Variants in SDC2 observed in about 807,000 individuals in gnomAD.
SDC2 encodes the protein syndecan 2.
In SDC2, 13 loss-of-function variants were observed where a neutral mutation model predicts 22.2. The ratio of observed to expected loss-of-function variants is 0.59; its 90% CI spans 0.38 to 0.93. The LOEUF is 0.93. Ranked by LOEUF, SDC2 falls within the 40% of genes least tolerant of loss-of-function variation. The pLI is 0.00. For synonymous variants in SDC2, 94 were observed against 92.8 expected (o/e 1.01, Z -0.07); for missense variants, 235 against 246.8 (o/e 0.95, Z 0.32).
At chr8:96,583,737 T>C (rs1814635177) in intron 1 of SDC2, among the ~76,000 whole-genome samples, 1 of 150,742 alleles carries the variant, frequency 6.6e-6, no homozygotes, top group Non-Finnish European at 1.5e-5. Context: ...ATATGAGAAA[T>C]TGCAATATAG....
At chr8:96,506,783 A>G (rs938838954) in intron 1 of SDC2, among the ~76,000 whole-genome samples, 5 of 152,032 alleles carry the variant, frequency 3.3e-5, no homozygotes, top group African/African-American at 4.8e-5. Context: ...AGGCTGAGGT[A>G]GGTGGATCAT....
chr8:96,570,172 G>A lies in SDC2; in HGVS notation c.61-23308G>A, dbSNP rs1193409007. Among the ~76,000 whole-genome samples, 9 of 152,080 alleles carry A rather than the reference G, an allele frequency of 5.9e-5. No individual in the cohort carries two copies. In the East Asian group the frequency reaches 7.7e-4, roughly 13 times the overall value. On this transcript the variant is annotated intron_variant, in intron 1 of 4. Coordinates refer to ENST00000302190, the MANE Select transcript of SDC2 (RefSeq NM_002998.4). Reference sequence around the variant, plus strand: ...TGAGCCTGAGGTGCAGAGAGATCCCGCAGCTGGTAAGTGGCAGAGCCAGGC... The same window carrying A: ...TGAGCCTGAGGTGCAGAGAGATCCCACAGCTGGTAAGTGGCAGAGCCAGGC...
At chr8:96,602,654 A>G (rs1298207956) in intron 3 of SDC2, 126 bp downstream of exon 3, 2 of 1,002,330 alleles carry the variant, frequency 2.0e-6, no homozygotes, top group Non-Finnish European at 2.9e-6. Flanking sequence ...TGAACTATGT[A>G]CACAACAGTT....
At chr8:96,535,641 T>C (rs1390326204) in intron 1 of SDC2, among the ~76,000 whole-genome samples, 1 of 152,218 alleles carries the variant, frequency 6.6e-6, no homozygotes, top group Non-Finnish European at 1.5e-5. Context: ...CGACTTCGAT[T>C]TGGGAGATCA....
intron 1 of SDC2, among the ~76,000 whole-genome samples, chr8:96,562,994 C>T (rs1011947962): frequency 6.6e-6 from 1 of 152,104 alleles, no homozygotes; most frequent in East Asian, 1.9e-4. Context: ...ACGCACATCA[C>T]CCCTAATTTG....
rs1329448270 is a variant in SDC2, at chr8:96,565,097, T to TTTTTTTTTTTTTTTTTTTTTG, written c.61-28381_61-28380insTTTTTTTTTTTTTTTTTTGTT. On this transcript the variant is annotated intron_variant, in intron 1 of 4. Transcript: ENST00000302190. ...ATCCTAAATTTGATTTTTTTTTTTT[T>TTTTTTTTTTTTTTTTTTTTTG]TTGTTGAGATGGGGAGTGTTGCTCT... Among the ~76,000 whole-genome samples, 36 of 128,582 alleles carry TTTTTTTTTTTTTTTTTTTTTG rather than the reference T, an allele frequency of 2.8e-4. 3 individuals are homozygous for TTTTTTTTTTTTTTTTTTTTTG. Among genetic ancestry groups the TTTTTTTTTTTTTTTTTTTTTG allele is most frequent in the African/African-American group, 1.2e-3 (36 of 31,266 alleles). 84.4% of individuals were successfully genotyped at this position (128,582 alleles called of 152,430 possible). A position where few individuals can be genotyped will look rare whatever the true frequency, so the allele number is the denominator to read the frequency against.
chr8:96,499,775 G>A lies in SDC2; in HGVS notation c.60+5444G>A, dbSNP rs563179652. On this transcript the variant is annotated intron_variant, in intron 1 of 4. Coordinates refer to ENST00000302190, the MANE Select transcript of SDC2 (RefSeq NM_002998.4). ...TCCTCTCTTGGCCTTTTTTTTTTTG[G>A]CAATGAAATGAATGAAATGAGGGAG... 5.9e-3 allele frequency among the ~76,000 whole-genome samples: 872 copies of A among 148,238 alleles called. 9 individuals carry two copies. The highest frequency in any genetic ancestry group is 8.2e-3 in the Non-Finnish European group (549 of 66,932).
intron 1 of SDC2, among the ~76,000 whole-genome samples, chr8:96,561,061 A>T (rs1814201744): frequency 6.6e-6 from 1 of 152,144 alleles, no homozygotes; most frequent in South Asian, 2.1e-4. Context: ...CCGAGATGGC[A>T]CCACTGCACT....
At chr8:96,579,112 T>A (rs2130601217) in intron 1 of SDC2, among the ~76,000 whole-genome samples, 1 of 152,370 alleles carries the variant, frequency 6.6e-6, no homozygotes, top group African/African-American at 2.4e-5. Flanking sequence ...AGATCTAATT[T>A]CATTCACGTG....
chr8:96,558,659 C>A (rs1563661036), intron 1 of SDC2, among the ~76,000 whole-genome samples: 1 of 152,202 alleles, frequency 6.6e-6, no homozygotes, highest in Non-Finnish European at 1.5e-5. Flanking sequence ...GTAATCCCAA[C>A]ACTTTGGGAG....
At chr8:96,530,672 T>C (rs1813646954) in intron 1 of SDC2, among the ~76,000 whole-genome samples, 1 of 152,162 alleles carries the variant, frequency 6.6e-6, no homozygotes. Context: ...TGCTAAAATA[T>C]AAGTTACTTT....
At chr8:96,538,405 TAAAAA>T (rs35236709) in intron 1 of SDC2, among the ~76,000 whole-genome samples, 4 of 151,924 alleles carry the variant, frequency 2.6e-5, no homozygotes, top group East Asian at 3.9e-4. Flanking sequence ...GTACTAAAGA[TAAAAA>T]AAAGTTATAC....
At chr8:96,589,718 G>A (rs1814746161) in intron 1 of SDC2, among the ~76,000 whole-genome samples, 1 of 152,194 alleles carries the variant, frequency 6.6e-6, no homozygotes, top group Non-Finnish European at 1.5e-5. Context: ...GCCCAACTAA[G>A]GAGTTTTTAT....
In SDC2 at chr8:96,501,308, T is replaced by C. The variant is rs947558395; in HGVS notation, c.60+6977T>C. Reference sequence around the variant, plus strand: ...AAATACGTATTTCTTTTTTTTTTTTTTTTTTTTTTTTTTTTTGAGACAGAG... The same window carrying C: ...AAATACGTATTTCTTTTTTTTTTTTCTTTTTTTTTTTTTTTTGAGACAGAG... On this transcript the variant is annotated intron_variant, in intron 1 of 4. Transcript: ENST00000302190. 2.0e-3 allele frequency among the ~76,000 whole-genome samples: 264 copies of C among 132,520 alleles called. 2 individuals are homozygous for C. Among genetic ancestry groups the C allele is most frequent in the Non-Finnish European group, 3.0e-3 (186 of 61,992 alleles). 86.9% of individuals were successfully genotyped at this position (132,520 alleles called of 152,430 possible).
At chr8:96,568,276 A>T (rs1321673175) in intron 1 of SDC2, among the ~76,000 whole-genome samples, 2 of 152,222 alleles carry the variant, frequency 1.3e-5, no homozygotes, top group African/African-American at 4.8e-5. Flanking sequence ...ATGAAATGTT[A>T]TCTGTAATGA....
At chr8:96,602,316 C>T (rs574764681) in intron 2 of SDC2, 79 bp from the exon 3 acceptor site, 47 of 1,389,576 alleles carry the variant, frequency 3.4e-5, no homozygotes, top group Admixed American at 5.8e-5. Flanking sequence ...TCAGTGTCAA[C>T]GTCAGGCAAT....
At chr8:96,600,992 T>G (rs1440963017) in intron 2 of SDC2, among the ~76,000 whole-genome samples, 1 of 152,042 alleles carries the variant, frequency 6.6e-6, no homozygotes, top group Non-Finnish European at 1.5e-5. Context: ...GGACAGACCT[T>G]CAGATACTCT....
In SDC2 at chr8:96,494,172, C is replaced by T. The variant is rs1372608175; in HGVS notation, c.-100C>T. ...GAGCCGCAATCGCTGCGGTACTCTG[C>T]TCCGGATTCGTGTGCGCGGGCTGCG... is the stretch of plus-strand genomic sequence containing the variant. On this transcript the variant is annotated 5_prime_UTR_variant, in exon 1 of 5. Coordinates refer to ENST00000302190, the MANE Select transcript of SDC2 (RefSeq NM_002998.4). 15 of 1,283,202 alleles carry T rather than the reference C, an allele frequency of 1.2e-5. No individual in the cohort carries two copies. The African/African-American group carries it at 2.2e-4, about 19-fold the overall frequency. 79.5% of individuals were successfully genotyped at this position (1,283,202 alleles called of 1,614,324 possible).
At chr8:96,517,455 G>A (rs547630167) in intron 1 of SDC2, among the ~76,000 whole-genome samples, 2 of 152,096 alleles carry the variant, frequency 1.3e-5, no homozygotes, top group East Asian at 1.9e-4. Context: ...AGAGTTTTAT[G>A]GTTTTAGTTC....
Sources: allele counts gnomAD v4.1 joint callset (sites outside exome capture counted in the v4.1 genomes callset), GRCh38; gene constraint gnomAD v4.1.1; transcripts MANE v1.5; gene names NCBI Gene and HGNC (gene_info 2026-07-23, HGNC 2026-07-21).